Variants in MAGI2 observed in about 807,000 individuals in gnomAD.
MAGI2 encodes membrane-associated guanylate kinase, WW and PDZ domain-containing protein 2.
MAGI2 carries 35 observed loss-of-function variants against 133.3 expected under a neutral mutation model. The observed-to-expected ratio is 0.26, with a 90% CI of 0.20 to 0.35. MAGI2 has a LOEUF of 0.35. MAGI2 is among the 10% of genes least tolerant of loss of function. MAGI2 has a pLI of 1.00. For missense variants in MAGI2, 1,636 were observed against 1,863.4 expected, an observed-to-expected ratio of 0.88 and a Z score of 2.25; for synonymous variants, 729 against 710.6, an observed-to-expected ratio of 1.03 and a Z score of -0.41.
chr7:78,227,821 T>C (rs540569876), intron 10 of MAGI2, among the ~76,000 whole-genome samples: 6 of 149,152 alleles, frequency 4.0e-5, no homozygotes, highest in East Asian at 1.9e-4. Flanking sequence ...AGTTGTGTCA[T>C]AGAAATACCA....
At chr7:78,997,605 T>TA (rs746487330) in intron 2 of MAGI2, among the ~76,000 whole-genome samples, 1,765 of 119,518 alleles carry the variant, frequency 0.015, 16 homozygotes, top group African/African-American at 0.029. Context: ...CCATCTCAAT[T>TA]AAAAAAAAAA....
At chr7:78,938,066 CTG>C (rs1406070744) in intron 2 of MAGI2, among the ~76,000 whole-genome samples, 6 of 152,010 alleles carry the variant, frequency 3.9e-5, no homozygotes, top group Admixed American at 6.6e-5. Flanking sequence ...ATATAAGTGA[CTG>C]TTAAATCTCT....
At chr7:78,573,319 T>G (rs1315621431) in intron 3 of MAGI2, among the ~76,000 whole-genome samples, 1 of 67,556 alleles carries the variant, frequency 1.5e-5, no homozygotes, top group African/African-American at 7.8e-5. Context: ...TATAAATATA[T>G]AAATATATAT....
chr7:79,371,166 A>C (rs751268469), intron 1 of MAGI2, among the ~76,000 whole-genome samples: 4 of 152,018 alleles, frequency 2.6e-5, no homozygotes, highest in African/African-American at 9.7e-5. Flanking sequence ...ATTCCTCTAC[A>C]TTTTTTTACT....
intron 1 of MAGI2, among the ~76,000 whole-genome samples, chr7:79,143,831 CAT>C (rs1187082585): frequency 3.9e-5 from 6 of 151,940 alleles, no homozygotes; most frequent in Non-Finnish European, 8.8e-5. Flanking sequence ...TCATGCAAAG[CAT>C]ATAACATTAA....
intron 10 of MAGI2, among the ~76,000 whole-genome samples, chr7:78,224,523 G>A (rs574974473): frequency 4.6e-5 from 7 of 152,058 alleles, no homozygotes; most frequent in Non-Finnish European, 5.9e-5. Context: ...AAGATTAGCC[G>A]GGCATGGTGG....
At chr7:78,345,720 T>A in intron 8 of MAGI2, 1 of 647,000 alleles carries the variant, frequency 1.5e-6, no homozygotes, top group Admixed American at 2.9e-5. Context: ...TATAAAGTAC[T>A]GCCTGTGGCT....
At chr7:78,649,404 G>A (rs1811303862) in intron 2 of MAGI2, among the ~76,000 whole-genome samples, 1 of 151,830 alleles carries the variant, frequency 6.6e-6, no homozygotes, top group Non-Finnish European at 1.5e-5. Context: ...TTTGGATTCA[G>A]TGGCACCTTT....
chr7:78,860,077 T>C (rs1794023613), intron 2 of MAGI2, among the ~76,000 whole-genome samples: 1 of 152,240 alleles, frequency 6.6e-6, no homozygotes, highest in Non-Finnish European at 1.5e-5. Context: ...CGTGCCATGG[T>C]TTTCAGCTCC....
chr7:79,445,987 CA>C (rs1563232115), intron 1 of MAGI2, among the ~76,000 whole-genome samples: 1 of 152,060 alleles, frequency 6.6e-6, no homozygotes, highest in East Asian at 1.9e-4. Context: ...TATGCAGCCA[CA>C]AAAAAGGATG....
Position 79,006,059 on chromosome 7 carries a change from G to A in MAGI2, c.418+1031C>T, listed in dbSNP as rs957048232. Among the ~76,000 whole-genome samples the A allele has an allele frequency of 2.6e-5, 4 of 152,104 alleles. No homozygotes were observed. The South Asian group carries it at 8.3e-4, about 31-fold the overall frequency. ...AAGGTGGGTAGGTCAATAGGGCTGG[G>A]TGATAACCTTTCCATCTTGACATCT... On this transcript the variant is annotated intron_variant, in intron 2 of 21. Coordinates refer to ENST00000354212, the MANE Select transcript of MAGI2 (RefSeq NM_012301.4).
At chr7:78,268,884 C>T (rs987606767) in intron 9 of MAGI2, among the ~76,000 whole-genome samples, 2 of 152,054 alleles carry the variant, frequency 1.3e-5, no homozygotes, top group African/African-American at 4.8e-5. Flanking sequence ...TTGCTGTACC[C>T]TTCAACCCAT....
chr7:78,827,391 G>C (rs1158852602), intron 2 of MAGI2, among the ~76,000 whole-genome samples: 1 of 152,076 alleles, frequency 6.6e-6, no homozygotes, highest in African/African-American at 2.4e-5. Flanking sequence ...TAATCCTCCT[G>C]CCTCAGCCTC....
At chr7:79,043,858 A>C (rs1370400814) in intron 1 of MAGI2, among the ~76,000 whole-genome samples, 2 of 152,178 alleles carry the variant, frequency 1.3e-5, no homozygotes, top group Non-Finnish European at 2.9e-5. Flanking sequence ...AAGAAATAGA[A>C]ACTATGAACA....
At chr7:78,644,338 T>C (rs912205843) in intron 2 of MAGI2, among the ~76,000 whole-genome samples, 3 of 152,098 alleles carry the variant, frequency 2.0e-5, no homozygotes, top group Admixed American at 2.0e-4. Flanking sequence ...TTGACATTTA[T>C]AGAACACTTA....
At chr7:78,780,844 A>G (rs1203258919) in intron 2 of MAGI2, among the ~76,000 whole-genome samples, 1 of 152,210 alleles carries the variant, frequency 6.6e-6, no homozygotes, top group Non-Finnish European at 1.5e-5. Flanking sequence ...CTCACCTTCT[A>G]AAAGTGACAT....
intron 2 of MAGI2, among the ~76,000 whole-genome samples, chr7:78,696,448 A>G (rs1817522407): frequency 6.6e-6 from 1 of 152,158 alleles, no homozygotes; most frequent in Admixed American, 6.5e-5. Flanking sequence ...TTAATCCCAA[A>G]TTACTATTAC....
intron 2 of MAGI2, among the ~76,000 whole-genome samples, chr7:78,807,451 A>AT (rs1019335118): frequency 9.2e-5 from 14 of 152,014 alleles, no homozygotes; most frequent in African/African-American, 2.2e-4. Flanking sequence ...TCTCACATCT[A>AT]TTTTTTTCAT....
chr7:78,625,995 C>G (rs970133345), intron 3 of MAGI2, among the ~76,000 whole-genome samples: 11 of 152,236 alleles, frequency 7.2e-5, no homozygotes, highest in African/African-American at 2.6e-4. Flanking sequence ...GTATCCCTTT[C>G]ATTAAGAGAC....
Sources: allele counts gnomAD v4.1 joint callset (sites outside exome capture counted in the v4.1 genomes callset), GRCh38; gene constraint gnomAD v4.1.1; transcripts MANE v1.5; gene names NCBI Gene and HGNC (gene_info 2026-07-23, HGNC 2026-07-21).